The following SLC27A6 variants were observed in gnomAD, a reference collection of about 807,000 sequenced individuals.
SLC27A6 encodes the protein solute carrier family 27 member 6.
SLC27A6 carries 74 observed loss-of-function variants against 63.9 expected under a neutral mutation model. The ratio of observed to expected loss-of-function variants is 1.16; its 90% confidence interval spans 0.96 to 1.40. The LOEUF is 1.40. Among genes scored for constraint, SLC27A6 ranks in the 40% most tolerant of loss-of-function variants. SLC27A6 has a pLI of 0.00. For synonymous variants in SLC27A6, 287 were observed against 260.8 expected, an observed-to-expected ratio of 1.10 and a Z score of -0.97; for missense variants, 794 against 732.9, an observed-to-expected ratio of 1.08 and a Z score of -0.96.
chr5:128,966,705 C>T (rs927401079), intron 1 of SLC27A6, 87 bp downstream of exon 1: 14 of 1,307,512 alleles, frequency 1.1e-5, no homozygotes, highest in African/African-American at 3.0e-5. Flanking sequence ...TAATTCGTAA[C>T]TAATATTTTG....
chr5:128,993,372 T>G (rs917081227), intron 4 of SLC27A6, among the ~76,000 whole-genome samples: 1 of 152,208 alleles, frequency 6.6e-6, no homozygotes, highest in Non-Finnish European at 1.5e-5. Context: ...TCAATAATGC[T>G]TTGTTTGAAC....
chr5:128,992,770 T>G (rs1561619115), intron 4 of SLC27A6, among the ~76,000 whole-genome samples: 1 of 152,166 alleles, frequency 6.6e-6, no homozygotes. Context: ...AGGGAATTAA[T>G]GCCCTCCAGT....
intron 9 of SLC27A6, among the ~76,000 whole-genome samples, chr5:129,030,723 T>C (rs890997343): frequency 1.3e-5 from 2 of 152,024 alleles, no homozygotes; most frequent in Non-Finnish European, 2.9e-5. Context: ...AACTTGTATA[T>C]CCTTCACCTT....
chr5:128,989,613 C>T (rs1034739318), intron 3 of SLC27A6, among the ~76,000 whole-genome samples: 1 of 152,146 alleles, frequency 6.6e-6, no homozygotes, highest in African/African-American at 2.4e-5. Context: ...TTCAACCTTA[C>T]TAACAGTTGA....
Position 129,033,373 on chromosome 5 carries a change from A to T in SLC27A6, c.*91A>T, listed in dbSNP as rs1408595380. On this transcript the variant is annotated 3_prime_UTR_variant, in exon 10 of 10. Transcript: ENST00000262462. ...TATGAAATGGGGAAAGGGAGCTAAC[A>T]TTAATTATGCATGTACTATATTTCC... 4.5e-6 allele frequency: 3 copies of T among 672,512 alleles called. No homozygotes were observed. The highest frequency in any genetic ancestry group is 7.2e-6 in the Non-Finnish European group (3 of 414,340). 41.7% of individuals were successfully genotyped at this position (672,512 alleles called of 1,614,324 possible). A position where few individuals can be genotyped will look rare whatever the true frequency, so the allele number is the denominator to read the frequency against.
At chr5:129,017,674 T>C (rs562680759) in intron 5 of SLC27A6, among the ~76,000 whole-genome samples, 1 of 152,284 alleles carries the variant, frequency 6.6e-6, no homozygotes, top group South Asian at 2.1e-4. Context: ...GGAACATTGC[T>C]GCTGATACTT....
At chr5:128,970,392 C>G (rs921589054) in intron 1 of SLC27A6, among the ~76,000 whole-genome samples, 1 of 152,114 alleles carries the variant, frequency 6.6e-6, no homozygotes, top group African/African-American at 2.4e-5. Flanking sequence ...TTGTCCTGCA[C>G]TTTTTTTGGT....
chr5:128,986,833 G>A (rs1353777345), intron 2 of SLC27A6, among the ~76,000 whole-genome samples: 5 of 152,086 alleles, frequency 3.3e-5, no homozygotes, highest in South Asian at 2.1e-4. Context: ...GGCAGACACC[G>A]CAGACCCAAG....
At chr5:128,982,011 A>C (rs1387809181) in intron 1 of SLC27A6, among the ~76,000 whole-genome samples, 1 of 151,922 alleles carries the variant, frequency 6.6e-6, no homozygotes, top group East Asian at 1.9e-4. Flanking sequence ...ACAGGGTTTC[A>C]CCATGTTGGC....
At position 128,994,289 on chromosome 5, in the gene SLC27A6, A is replaced by C. The variant is rs145101303; in HGVS notation, c.969+3825A>C. Reference sequence around the variant, plus strand: ...ATGCAAACTGAGGAGGAAAGAAGGAAATAAATACAGCTTTACCCAAAGGGA... The same window carrying C: ...ATGCAAACTGAGGAGGAAAGAAGGACATAAATACAGCTTTACCCAAAGGGA... On this transcript the variant is annotated intron_variant, in intron 4 of 9. Coordinates refer to ENST00000262462, the MANE Select transcript of SLC27A6 (RefSeq NM_001017372.3). 2.4e-3 allele frequency among the ~76,000 whole-genome samples: 359 copies of C among 152,354 alleles called. 8 individuals carry two copies. Among genetic ancestry groups the C allele is most frequent in the Admixed American group, 0.022 (329 of 15,302 alleles).
chr5:129,024,309 C>T (rs535108162), intron 6 of SLC27A6, among the ~76,000 whole-genome samples: 1 of 152,198 alleles, frequency 6.6e-6, no homozygotes, highest in East Asian at 1.9e-4. Flanking sequence ...TATTGCCAAA[C>T]TATAATATAG....
chr5:129,011,570 T>G (rs554165457), intron 4 of SLC27A6, among the ~76,000 whole-genome samples: 1 of 152,158 alleles, frequency 6.6e-6, no homozygotes, highest in Non-Finnish European at 1.5e-5. Context: ...AGAATGAACT[T>G]AAATAGATTT....
At position 128,981,494 on chromosome 5, in the gene SLC27A6, A is replaced by G. The variant is rs1461656606; in HGVS notation, c.482-3639A>G. On this transcript the variant is annotated intron_variant, in intron 1 of 9. Coordinates refer to ENST00000262462, the MANE Select transcript of SLC27A6 (RefSeq NM_001017372.3). ...AGACTCCATCTCAAAAAAAAAAAAG[A>G]AAAAAAAATCCAGTTGTCTCATTTT... is the stretch of plus-strand genomic sequence containing the variant. Among the ~76,000 whole-genome samples, 7 of 87,630 alleles carry G rather than the reference A, an allele frequency of 8.0e-5. No homozygotes were observed. The East Asian group carries it at 1.5e-3, about 18-fold the overall frequency. The allele number at this position is 87,630 out of a possible 152,430, so 57.5% of individuals were successfully genotyped here. A position where few individuals can be genotyped will look rare whatever the true frequency, so the allele number is the denominator to read the frequency against.
At chr5:129,018,027 A>G (rs1373715897) in intron 5 of SLC27A6, among the ~76,000 whole-genome samples, 1 of 152,146 alleles carries the variant, frequency 6.6e-6, no homozygotes, top group Non-Finnish European at 1.5e-5. Flanking sequence ...ACATACATGT[A>G]TGAGGAAAGC....
intron 4 of SLC27A6, among the ~76,000 whole-genome samples, chr5:129,005,682 G>C (rs991112808): frequency 3.7e-5 from 5 of 135,630 alleles, no homozygotes; most frequent in Non-Finnish European, 7.5e-5. Context: ...GCCTGATCTC[G>C]GCTCACTGCA....
intron 4 of SLC27A6, among the ~76,000 whole-genome samples, chr5:129,001,987 C>T (rs995825365): frequency 6.6e-6 from 1 of 152,164 alleles, no homozygotes; most frequent in African/African-American, 2.4e-5. Context: ...GAAAACATCT[C>T]TCAAATAACC....
chr5:128,995,594 CTA>C (rs1456089259), intron 4 of SLC27A6, among the ~76,000 whole-genome samples: 2 of 152,106 alleles, frequency 1.3e-5, no homozygotes, highest in Non-Finnish European at 2.9e-5. Context: ...AAATAGTAAT[CTA>C]TGAGCCGAGG....
intron 5 of SLC27A6, among the ~76,000 whole-genome samples, chr5:129,021,255 C>A (rs780625702): frequency 6.6e-6 from 1 of 151,314 alleles, no homozygotes; most frequent in Non-Finnish European, 1.5e-5. Flanking sequence ...GAGATCACCT[C>A]CCAGAAGCCA....
intron 9 of SLC27A6, among the ~76,000 whole-genome samples, chr5:129,031,934 AG>A (rs1028092487): frequency 2.0e-5 from 3 of 151,860 alleles, no homozygotes; most frequent in Non-Finnish European, 4.4e-5. Flanking sequence ...AGATCAGGGA[AG>A]GGGGTTCAAA....
Sources: allele counts gnomAD v4.1 joint callset (sites outside exome capture counted in the v4.1 genomes callset), GRCh38; gene constraint gnomAD v4.1.1; transcripts MANE v1.5; gene names NCBI Gene and HGNC (gene_info 2026-07-23, HGNC 2026-07-21).